The following CALCOCO2 variants were observed in gnomAD, a reference collection of about 807,000 sequenced individuals.
The protein encoded by CALCOCO2 is calcium binding and coiled-coil domain 2.
In CALCOCO2, 42 loss-of-function variants were observed where a neutral mutation model predicts 62.5. That is an observed-to-expected ratio of 0.67 (90% CI 0.53 to 0.87). The LOEUF is 0.87. Among genes scored for constraint, CALCOCO2 ranks in the 40% least tolerant of loss-of-function variants. The probability of loss-of-function intolerance (pLI) is 0.00; values close to 1 mark genes in which losing one functional copy is unlikely to be tolerated. For synonymous variants in CALCOCO2, 167 were observed against 173.0 expected (o/e 0.97, Z 0.27); for missense variants, 456 against 515.0 (o/e 0.89, Z 1.11).
intron 8 of CALCOCO2, 65 bp from the exon 9 acceptor site, chr17:48,852,861 T>A (rs2040154090): frequency 7.9e-7 from 1 of 1,260,400 alleles, no homozygotes; most frequent in Non-Finnish European, 1.2e-6. Context: ...AGCAGGCCCT[T>A]CCATGGTGTG....
intron 1 of CALCOCO2, among the ~76,000 whole-genome samples, chr17:48,834,073 T>C (rs1395551400): frequency 7.7e-6 from 1 of 129,718 alleles, no homozygotes; most frequent in Non-Finnish European, 1.5e-5. Flanking sequence ...GCCACATTCA[T>C]GCCATTGCAC....
At chr17:48,850,640 G>C (rs2040115542) in intron 5 of CALCOCO2, among the ~76,000 whole-genome samples, 1 of 152,148 alleles carries the variant, frequency 6.6e-6, no homozygotes, top group Non-Finnish European at 1.5e-5. Flanking sequence ...CCACTGTTGT[G>C]TCTGCAATGC....
Position 48,863,250 on chromosome 17 carries a change from A to AT in CALCOCO2, c.*247dup, listed in dbSNP as rs2040353098. 1 of 440,556 alleles carries AT rather than the reference A, an allele frequency of 2.3e-6. No individual in the cohort carries two copies. The allele number at this position is 440,556 out of a possible 1,614,324, so 27.3% of individuals were successfully genotyped here. ...TAGCTGTATCATCCTCTCACCTGTC[A>AT]TTCTTCTGAGGGTCTCAGTACAAGG... On this transcript the variant is annotated 3_prime_UTR_variant, in exon 13 of 13. Coordinates refer to ENST00000258947, the MANE Select transcript of CALCOCO2 (RefSeq NM_005831.5).
rs368965437 is a variant in CALCOCO2, at chr17:48,863,033, A to G, written c.*28A>G. Reference sequence around the variant, plus strand: ...ATCCCAACCTCTTGGATGTATACAGAGATTTTATAGAATAGAACCTATAGC... The same window carrying G: ...ATCCCAACCTCTTGGATGTATACAGGGATTTTATAGAATAGAACCTATAGC... On this transcript the variant is annotated 3_prime_UTR_variant, in exon 13 of 13. Transcript: ENST00000258947. 2.2e-5 allele frequency: 33 copies of G among 1,512,628 alleles called. No individual in the cohort carries two copies. In the African/African-American group the frequency reaches 4.3e-4, roughly 19 times the overall value. The allele number at this position is 1,512,628 out of a possible 1,614,324, so 93.7% of individuals were successfully genotyped here. A position where few individuals can be genotyped will look rare whatever the true frequency, so the allele number is the denominator to read the frequency against.
At position 48,848,311 on chromosome 17, in the gene CALCOCO2, T is replaced by G; in HGVS notation, c.284-11T>G. 6.2e-7 allele frequency: 1 copy of G among 1,610,620 alleles called. No individual in the cohort carries two copies. Among genetic ancestry groups the G allele is most frequent in the Non-Finnish European group, 8.5e-7 (1 of 1,177,874 alleles). ...TCTTATTTTGGATGAAAAATTATGT[T>G]GTGTTTTCAGCTTACTACCTGCCCA... On this transcript the variant is annotated splice_polypyrimidine_tract_variant and intron_variant, in intron 3 of 12. Coordinates refer to ENST00000258947, the MANE Select transcript of CALCOCO2 (RefSeq NM_005831.5).
chr17:48,846,202 T>G, intron 2 of CALCOCO2: 1 of 602,080 alleles, frequency 1.7e-6, no homozygotes, highest in South Asian at 2.6e-5. Flanking sequence ...AGAGGTGCAA[T>G]CTGGGCTCAC....
intron 2 of CALCOCO2, chr17:48,847,825 T>G: frequency 2.9e-6 from 1 of 339,376 alleles, no homozygotes; most frequent in Non-Finnish European, 5.4e-6. Context: ...CAACTTATTT[T>G]TTGTATTTTA....
chr17:48,835,398 C>G (rs1475102681), intron 1 of CALCOCO2, among the ~76,000 whole-genome samples: 1 of 152,160 alleles, frequency 6.6e-6, no homozygotes, highest in Non-Finnish European at 1.5e-5. Context: ...CCAGCCTTGG[C>G]AGAGGAGAAT....
chr17:48,843,287 CACAT>C (rs1280889573), intron 2 of CALCOCO2, among the ~76,000 whole-genome samples: 2 of 152,170 alleles, frequency 1.3e-5, no homozygotes, highest in Non-Finnish European at 2.9e-5. Context: ...TTATACATCT[CACAT>C]ACACCATAAT....
intron 10 of CALCOCO2, among the ~76,000 whole-genome samples, chr17:48,856,770 T>G (rs2040221385): frequency 6.6e-6 from 1 of 151,832 alleles, no homozygotes; most frequent in Non-Finnish European, 1.5e-5. Flanking sequence ...TCTCATGTTC[T>G]TTCTTTTCTT....
intron 7 of CALCOCO2, 162 bp downstream of exon 7, chr17:48,851,790 C>T: frequency 1.7e-6 from 1 of 586,982 alleles, no homozygotes; most frequent in South Asian, 2.1e-5. Context: ...ATTCTTGGAC[C>T]AGGTAAGCCT....
intron 1 of CALCOCO2, among the ~76,000 whole-genome samples, chr17:48,838,211 C>T (rs758995210): frequency 2.6e-5 from 4 of 151,940 alleles, no homozygotes; most frequent in African/African-American, 9.7e-5. Flanking sequence ...CTGCATGTGT[C>T]GGTAATTAGA....
chr17:48,845,495 C>T (rs981448287), intron 2 of CALCOCO2, among the ~76,000 whole-genome samples: 64 of 150,350 alleles, frequency 4.3e-4, no homozygotes, highest in Non-Finnish European at 6.9e-4. Context: ...TTTAAGAGGC[C>T]GAGGCAGGTG....
chr17:48,865,109 C>A lies in CALCOCO2; in HGVS notation c.*2104C>A, dbSNP rs908465829. The A allele has an allele frequency of 6.6e-6, 1 of 152,148 alleles. No homozygotes were observed. Among genetic ancestry groups the A allele is most frequent in the Non-Finnish European group, 1.5e-5 (1 of 68,032 alleles). 9.4% of individuals were successfully genotyped at this position (152,148 alleles called of 1,614,324 possible). A position where few individuals can be genotyped will look rare whatever the true frequency, so the allele number is the denominator to read the frequency against. On this transcript the variant is annotated 3_prime_UTR_variant, in exon 13 of 13. Coordinates refer to ENST00000258947, the MANE Select transcript of CALCOCO2 (RefSeq NM_005831.5). Reference sequence around the variant, plus strand: ...CCTTCCACAGGGCTTGGTAAAAAAACCAGTTGAGGTGTTAATGACCCTTTT... The same window carrying A: ...CCTTCCACAGGGCTTGGTAAAAAAAACAGTTGAGGTGTTAATGACCCTTTT...
chr17:48,832,766 T>C (rs1391488382), intron 1 of CALCOCO2, among the ~76,000 whole-genome samples: 2 of 152,298 alleles, frequency 1.3e-5, no homozygotes, highest in Admixed American at 6.5e-5. Context: ...GAAAAGTGGA[T>C]GGTCTCAGTA....
chr17:48,851,564 A>G lies in CALCOCO2; in HGVS notation c.638A>G (p.Lys213Arg), dbSNP rs750389738. ...DYWETELLQL[K>R]EQNQKMSSEN... is the part of the protein sequence containing the mutation. Reference sequence around the variant, plus strand: ...AGTTATCTCCACCTCTACAGACTGAAAGAACAAAACCAGAAGATGTCCTCA... The same window carrying G: ...AGTTATCTCCACCTCTACAGACTGAGAGAACAAAACCAGAAGATGTCCTCA... The change falls in exon 7 of 13, where the codon AAA becomes AGA. Residue 213 changes from lysine (K) to arginine (R), a missense_variant. Physicochemically the swap from Lys to Arg is conservative, Grantham distance 26. Around this residue, in one of 3 missense-constraint regions of CALCOCO2, gnomAD observed 236 missense variants for 225.3 expected, o/e 1.05. Coordinates refer to ENST00000258947, the MANE Select transcript of CALCOCO2 (RefSeq NM_005831.5). The G allele has an allele frequency of 4.4e-6, 7 of 1,591,816 alleles. No homozygotes were observed. The African/African-American group carries it at 5.4e-5, about 12-fold the overall frequency.
intron 1 of CALCOCO2, among the ~76,000 whole-genome samples, chr17:48,840,611 C>T (rs7207100): frequency 0.11 from 16,514 of 152,230 alleles, 1,571 homozygotes; most frequent in African/African-American, 0.26. Flanking sequence ...AATGCCCTCA[C>T]TCAAAAACTC....
chr17:48,855,882 A>C, intron 9 of CALCOCO2: 1 of 273,434 alleles, frequency 3.7e-6, no homozygotes, highest in Non-Finnish European at 6.8e-6. Context: ...AAAAAAAAAA[A>C]TTGGCATCTT....
intron 10 of CALCOCO2, among the ~76,000 whole-genome samples, chr17:48,856,793 CT>C (rs1463620356): frequency 2.0e-5 from 2 of 101,058 alleles, no homozygotes; most frequent in African/African-American, 3.7e-5. Flanking sequence ...TTTTTTTTTT[CT>C]TTTTTTGTTG....
Sources: allele counts gnomAD v4.1 joint callset (sites outside exome capture counted in the v4.1 genomes callset), GRCh38; gene constraint gnomAD v4.1.1; regional missense constraint gnomAD v4.1.1; transcripts MANE v1.5; gene names NCBI Gene and HGNC (gene_info 2026-07-23, HGNC 2026-07-21).